FBLN1: variants seen among roughly 807,000 people sequenced by gnomAD.
FBLN1 encodes the protein fibulin 1, also known as fibulin-1.
In FBLN1, 34 loss-of-function variants were observed where a neutral mutation model predicts 89.7. The observed-to-expected ratio is 0.38, with a 90% CI of 0.29 to 0.50. The LOEUF is 0.50. Among genes scored for constraint, FBLN1 ranks in the 20% least tolerant of loss-of-function variants. The probability of loss-of-function intolerance (pLI) is 0.92; values close to 1 mark genes in which losing one functional copy is unlikely to be tolerated. For synonymous variants in FBLN1, 393 were observed against 391.3 expected, an observed-to-expected ratio of 1.00 and a Z score of -0.05; for missense variants, 777 against 988.1, an observed-to-expected ratio of 0.79 and a Z score of 2.86.
intron 1 of FBLN1, among the ~76,000 whole-genome samples, chr22:45,504,926 G>T (rs764026847): frequency 6.6e-5 from 10 of 152,228 alleles, no homozygotes; most frequent in South Asian, 2.1e-4. Context: ...AGTTTGGGAA[G>T]GGGCTTTTGA....
rs766538296 is a variant in FBLN1, at chr22:45,564,904, G to C, written c.1698-9607G>C. The C allele has an allele frequency of 4.3e-6, 7 of 1,613,960 alleles. No individual in the cohort carries two copies. In the East Asian group the frequency reaches 1.3e-4, roughly 31 times the overall value. The stretch of plus-strand genomic sequence containing the variant: ...TCCAGGCAGAAATCCAAGAAGGGAA[G>C]GCAGAACACCCCAGCGGGATCAAGT... On this transcript the variant is annotated intron_variant, in intron 14 of 16. Transcript: ENST00000327858.
intron 16 of FBLN1, among the ~76,000 whole-genome samples, chr22:45,584,647 A>G (rs555274583): frequency 2.6e-5 from 4 of 152,342 alleles, no homozygotes; most frequent in African/African-American, 9.6e-5. Context: ...CTGTTTTAAC[A>G]TAAGAGTGGT....
At chr22:45,559,008 CGAATAAGATTATGACAT>C (rs1351892417) in intron 14 of FBLN1, among the ~76,000 whole-genome samples, 1 of 152,138 alleles carries the variant, frequency 6.6e-6, no homozygotes, top group Non-Finnish European at 1.5e-5. Context: ...AAGGTCTCTC[CGAATAAGATTATGACAT>C]GAATAAGATT....
chr22:45,587,750 CCT>C (rs897999913), intron 16 of FBLN1, among the ~76,000 whole-genome samples: 1 of 152,216 alleles, frequency 6.6e-6, no homozygotes, highest in Non-Finnish European at 1.5e-5. Flanking sequence ...TATTCCATGG[CCT>C]CTCTCCTCTC....
intron 14 of FBLN1, among the ~76,000 whole-genome samples, chr22:45,573,118 T>C (rs1379018247): frequency 4.6e-5 from 7 of 151,558 alleles, no homozygotes. Context: ...CCCAGCTACT[T>C]GGGAGGCTGA....
intron 10 of FBLN1, among the ~76,000 whole-genome samples, chr22:45,543,179 A>T (rs2088580156): frequency 6.6e-6 from 1 of 152,218 alleles, no homozygotes; most frequent in Non-Finnish European, 1.5e-5. Flanking sequence ...AGGCAGGAGA[A>T]TCACTTGAAC....
chr22:45,550,729 T>C lies in FBLN1; in HGVS notation c.1697+114T>C, dbSNP rs752176866. The C allele has an allele frequency of 4.2e-6, 6 of 1,440,576 alleles. No homozygotes were observed. Among genetic ancestry groups the C allele is most frequent in the Non-Finnish European group, 5.8e-6 (6 of 1,028,312 alleles). The allele number at this position is 1,440,576 out of a possible 1,614,324, so 89.2% of individuals were successfully genotyped here. ...ACCTCGGTGTCCTCCCATGAGGGAC[T>C]CAGGGCACTCAAAGATCACCTGATC... is the stretch of plus-strand genomic sequence containing the variant. On this transcript the variant is annotated intron_variant, in intron 14 of 16. Transcript: ENST00000327858. The surrounding 1 kb of genome is among the most constrained non-coding windows in gnomAD (Gnocchi z 8.4).
At chr22:45,564,548 T>G (rs1003204068) in intron 14 of FBLN1, among the ~76,000 whole-genome samples, 1 of 152,260 alleles carries the variant, frequency 6.6e-6, no homozygotes, top group East Asian at 1.9e-4. Flanking sequence ...AAACTCCAGC[T>G]CATGTGCCTG....
At position 45,549,336 on chromosome 22, in the gene FBLN1, C is replaced by T. The variant is rs1444274375; in HGVS notation, c.1573+592C>T. On this transcript the variant is annotated intron_variant, in intron 13 of 16. Transcript: ENST00000327858. The surrounding 1 kb of genome is among the most constrained non-coding windows in gnomAD (Gnocchi z 5.7). ...CGTGATCCTCAGTGTACACACTGCG[C>T]CCAGAAGCTGAGTCATGGAGGTGGG... Among the ~76,000 whole-genome samples the T allele has an allele frequency of 2.0e-5, 3 of 152,196 alleles. No individual in the cohort carries two copies. The highest frequency in any genetic ancestry group is 6.5e-5 in the Admixed American group (1 of 15,286).
In FBLN1 at chr22:45,541,293, G is replaced by A; in HGVS notation, c.987G>A (p.Glu329=). 6.2e-7 allele frequency: 1 copy of A among 1,614,234 alleles called. No homozygotes were observed. ...CPIGHTCINT[E]GSYTCQKNVP... ...TCGGGCATACATGCATCAACACAGA[G>A]GGCTCCTACACGTGCCAGAAGAACG... The change falls in exon 9 of 17, where the codon GAG becomes GAA. Residue 329 remains glutamate, a synonymous_variant. Transcript: ENST00000327858.
chr22:45,564,773 G>T (rs888579865), intron 14 of FBLN1: 4 of 1,313,618 alleles, frequency 3.0e-6, no homozygotes, highest in Non-Finnish European at 3.2e-6. Flanking sequence ...GACATCTCGC[G>T]TGCAGAAGGT....
At chr22:45,548,813 G>A (rs1386282123) in intron 13 of FBLN1, 69 bp downstream of exon 13, 15 of 1,596,954 alleles carry the variant, frequency 9.4e-6, no homozygotes, top group Non-Finnish European at 1.2e-5. Context: ...TGGGGCTGAG[G>A]CTGGGCTCGG....
Position 45,530,636 on chromosome 22 carries a change from C to T in FBLN1, c.485-629C>T, listed in dbSNP as rs190654695. Among the ~76,000 whole-genome samples, 12 of 152,220 alleles carry T rather than the reference C, an allele frequency of 7.9e-5. No individual in the cohort carries two copies. The highest frequency in any genetic ancestry group is 2.9e-4 in the African/African-American group (12 of 41,524). The stretch of plus-strand genomic sequence containing the variant: ...CGTGCATTGCTTTAGACTTGGAGGG[C>T]GTGTGTTGGTTGTTAGCAAGGCTGT... On this transcript the variant is annotated intron_variant, in intron 4 of 16. Coordinates refer to ENST00000327858, the MANE Select transcript of FBLN1 (RefSeq NM_006486.3). This position sits in a 1 kb window ranked among gnomAD's most constrained non-coding sequence, Gnocchi z 5.4.
chr22:45,545,066 CT>C lies in FBLN1; in HGVS notation c.1321+1542del, dbSNP rs2088609291. Among the ~76,000 whole-genome samples, 1 of 152,192 alleles carries C rather than the reference CT, an allele frequency of 6.6e-6. No homozygotes were observed. Among genetic ancestry groups the C allele is most frequent in the African/African-American group, 2.4e-5 (1 of 41,450 alleles). ...CTAACATTTTGCCATGAGAATTTTC[CT>C]TCCTGATGAGATGGTCGCAGGGGTT... On this transcript the variant is annotated intron_variant, in intron 11 of 16. Transcript: ENST00000327858. This position sits in a 1 kb window ranked among gnomAD's most constrained non-coding sequence, Gnocchi z 5.9.
At chr22:45,521,806 C>G (rs1167116431) in intron 2 of FBLN1, among the ~76,000 whole-genome samples, 1 of 152,110 alleles carries the variant, frequency 6.6e-6, no homozygotes, top group African/African-American at 2.4e-5. Flanking sequence ...TGCAGTGATG[C>G]TAATGAAGGG....
intron 16 of FBLN1, among the ~76,000 whole-genome samples, chr22:45,596,928 ATTG>A (rs1460571649): frequency 9.4e-5 from 14 of 149,190 alleles, no homozygotes; most frequent in African/African-American, 1.5e-4. Flanking sequence ...TTTTTAATAT[ATTG>A]TTTTATATGT....
intron 14 of FBLN1, chr22:45,558,238 A>G (rs2088813102): frequency 1.8e-6 from 1 of 550,242 alleles, no homozygotes. Flanking sequence ...CCATTTGATG[A>G]TGGAATGCTG....
chr22:45,543,647 C>T (rs2146983811), intron 11 of FBLN1, 121 bp downstream of exon 11: 2 of 1,300,732 alleles, frequency 1.5e-6, no homozygotes, highest in Non-Finnish European at 2.1e-6. Context: ...GACATGTTAG[C>T]AGGGGAAGTG....
At chr22:45,569,818 T>C (rs9626396) in intron 14 of FBLN1, among the ~76,000 whole-genome samples, 98,922 of 151,634 alleles carry the variant, frequency 0.65, 32,283 homozygotes, top group Middle Eastern at 0.73. Flanking sequence ...CTTTCAGCCT[T>C]CAGAACCATG....
Sources: allele counts gnomAD v4.1 joint callset (sites outside exome capture counted in the v4.1 genomes callset), GRCh38; gene constraint gnomAD v4.1.1; non-coding constraint Gnocchi (gnomAD v3.1); transcripts MANE v1.5; gene names NCBI Gene and HGNC (gene_info 2026-07-23, HGNC 2026-07-21).